The following ATP10A variants were observed in gnomAD, a reference collection of about 807,000 sequenced individuals.
The protein encoded by ATP10A is ATPase phospholipid transporting 10A (putative), also known as phospholipid-transporting ATPase VA.
A neutral mutation model predicts 147.8 loss-of-function variants in ATP10A; 111 were observed. The ratio of observed to expected loss-of-function variants is 0.75; its 90% CI spans 0.64 to 0.88. ATP10A has a LOEUF of 0.88. ATP10A is among the 40% of genes least tolerant of loss of function. The pLI is 0.00. For missense variants in ATP10A, 1,927 were observed against 1,959.0 expected, an observed-to-expected ratio of 0.98 and a Z score of 0.31; for synonymous variants, 875 against 841.6, an observed-to-expected ratio of 1.04 and a Z score of -0.69.
At chr15:25,755,602 G>T (rs1456330231) in intron 2 of ATP10A, among the ~76,000 whole-genome samples, 1 of 152,096 alleles carries the variant, frequency 6.6e-6, no homozygotes, top group South Asian at 2.1e-4. Context: ...CTAGAAAAGG[G>T]GCTGTCTCAA....
chr15:25,824,679 G>A (rs1292582627), intron 1 of ATP10A, among the ~76,000 whole-genome samples: 1 of 151,648 alleles, frequency 6.6e-6, no homozygotes, highest in African/African-American at 2.4e-5. Flanking sequence ...CAGTGAGAGA[G>A]AACAATGGCA....
chr15:25,691,322 G>A (rs907399127), intron 15 of ATP10A, among the ~76,000 whole-genome samples: 5 of 152,126 alleles, frequency 3.3e-5, no homozygotes, highest in African/African-American at 9.7e-5. Context: ...GTACAGTGAC[G>A]CCAGGCTCCA....
At chr15:25,706,317 G>A (rs1486777072) in intron 12 of ATP10A, among the ~76,000 whole-genome samples, 1 of 152,168 alleles carries the variant, frequency 6.6e-6, no homozygotes, top group East Asian at 1.9e-4. Context: ...GGGTGGAAAC[G>A]GTGTGGAAGC....
intron 2 of ATP10A, among the ~76,000 whole-genome samples, chr15:25,766,969 A>G (rs1327212655): frequency 6.6e-6 from 1 of 151,530 alleles, no homozygotes; most frequent in Non-Finnish European, 1.5e-5. Context: ...TCACAGGCAG[A>G]CATATACACA....
At chr15:25,776,229 G>A (rs897599724) in intron 2 of ATP10A, among the ~76,000 whole-genome samples, 5 of 152,146 alleles carry the variant, frequency 3.3e-5, no homozygotes, top group African/African-American at 7.2e-5. Flanking sequence ...ACATCTGAAC[G>A]TATGCACCTT....
chr15:25,802,556 T>C (rs920953946), intron 1 of ATP10A, among the ~76,000 whole-genome samples: 1 of 152,162 alleles, frequency 6.6e-6, no homozygotes. Flanking sequence ...CAGGGCCCAC[T>C]CAGCTAAGGT....
chr15:25,804,991 G>A (rs761011947), intron 1 of ATP10A, among the ~76,000 whole-genome samples: 2 of 152,200 alleles, frequency 1.3e-5, no homozygotes, highest in Non-Finnish European at 2.9e-5. Flanking sequence ...AGGCGGGTGT[G>A]GAGGAAAAGG....
intron 7 of ATP10A, among the ~76,000 whole-genome samples, chr15:25,718,879 G>C (rs1902025218): frequency 2.0e-5 from 3 of 152,062 alleles, no homozygotes; most frequent in African/African-American, 7.2e-5. Context: ...TATGGCACAG[G>C]GGGGCTCACA....
intron 15 of ATP10A, among the ~76,000 whole-genome samples, chr15:25,690,732 G>C (rs534933360): frequency 3.4e-4 from 52 of 152,324 alleles, no homozygotes; most frequent in African/African-American, 1.2e-3. Flanking sequence ...TGTTTCTTGA[G>C]CTTCCCCTTG....
chr15:25,811,296 A>C (rs1003669407), intron 1 of ATP10A, among the ~76,000 whole-genome samples: 1 of 152,134 alleles, frequency 6.6e-6, no homozygotes, highest in African/African-American at 2.4e-5. Flanking sequence ...GAGTGAGAGG[A>C]AAGAGGAGGA....
chr15:25,859,558 G>A (rs1286855697), intron 1 of ATP10A, among the ~76,000 whole-genome samples: 2 of 152,030 alleles, frequency 1.3e-5, no homozygotes, highest in African/African-American at 2.4e-5. Flanking sequence ...CCCTGCAGGC[G>A]CCACAGGCAG....
At chr15:25,713,567 A>G in intron 10 of ATP10A, 107 bp downstream of exon 10, 1 of 1,162,410 alleles carries the variant, frequency 8.6e-7, no homozygotes, top group Non-Finnish European at 1.2e-6. Context: ...TTTCTGTTGG[A>G]AAAGGATTAA....
intron 1 of ATP10A, among the ~76,000 whole-genome samples, chr15:25,858,036 A>G (rs1307307073): frequency 6.6e-6 from 1 of 152,246 alleles, no homozygotes; most frequent in Non-Finnish European, 1.5e-5. Flanking sequence ...TTAGGAAAAG[A>G]AACGTTCTTT....
intron 1 of ATP10A, among the ~76,000 whole-genome samples, chr15:25,843,026 C>T (rs1276430818): frequency 6.6e-6 from 1 of 152,138 alleles, no homozygotes; most frequent in East Asian, 1.9e-4. Context: ...GCCAAGCAGG[C>T]TTACTTAAAT....
At chr15:25,695,615 C>T (rs995103761) in intron 13 of ATP10A, among the ~76,000 whole-genome samples, 1 of 151,914 alleles carries the variant, frequency 6.6e-6, no homozygotes, top group Admixed American at 6.6e-5. Flanking sequence ...GGCGACAGAG[C>T]GAGACTCTGT....
chr15:25,695,213 T>G lies in ATP10A; in HGVS notation c.2761-67A>C, dbSNP rs1900255567. Reference sequence around the variant, plus strand: ...ATGCCACAAACATCCCCGCCCTGGCTCAACACCTCTGGAGCTGACATCCTT... The same window carrying G: ...ATGCCACAAACATCCCCGCCCTGGCGCAACACCTCTGGAGCTGACATCCTT... On this transcript the variant is annotated intron_variant, in intron 13 of 20. Coordinates refer to ENST00000555815, the MANE Select transcript of ATP10A (RefSeq NM_024490.4). 5 of 1,446,434 alleles carry G rather than the reference T, an allele frequency of 3.5e-6. No individual in the cohort carries two copies. In the South Asian group the frequency reaches 5.3e-5, roughly 15 times the overall value. The allele number at this position is 1,446,434 out of a possible 1,614,324, so 89.6% of individuals were successfully genotyped here.
intron 1 of ATP10A, among the ~76,000 whole-genome samples, chr15:25,785,797 A>G (rs935254): frequency 0.94 from 143,718 of 152,244 alleles, 67,880 homozygotes; most frequent in East Asian, 1. Context: ...TGAAGAGGAC[A>G]TCGTTGAATG....
At chr15:25,830,282 C>G (rs1445544551) in intron 1 of ATP10A, among the ~76,000 whole-genome samples, 2 of 152,158 alleles carry the variant, frequency 1.3e-5, no homozygotes, top group Non-Finnish European at 2.9e-5. Flanking sequence ...CCAGGCTCCA[C>G]TCTCCTAAGG....
At chr15:25,685,159 T>C (rs950263665) in intron 16 of ATP10A, among the ~76,000 whole-genome samples, 3 of 152,198 alleles carry the variant, frequency 2.0e-5, no homozygotes, top group Non-Finnish European at 4.4e-5. Context: ...ACTGTTGTTA[T>C]GGAAACCTTT....
Sources: allele counts gnomAD v4.1 joint callset (sites outside exome capture counted in the v4.1 genomes callset), GRCh38; gene constraint gnomAD v4.1.1; transcripts MANE v1.5; gene names NCBI Gene and HGNC (gene_info 2026-07-23, HGNC 2026-07-21).